CNGB1: variants seen among roughly 807,000 people sequenced by gnomAD.
The protein encoded by CNGB1 is cyclic nucleotide-gated channel beta-1.
A neutral mutation model predicts 151.7 loss-of-function variants in CNGB1; 126 were observed. The observed-to-expected ratio is 0.83, with a 90% CI of 0.72 to 0.96. The LOEUF is 0.96. Ranked by LOEUF, CNGB1 falls within the 40% of genes least tolerant of loss-of-function variation. The pLI is 0.00. For synonymous variants in CNGB1, 623 were observed against 635.1 expected (o/e 0.98, Z 0.29); for missense variants, 1,698 against 1,627.0 (o/e 1.04, Z -0.75).
In CNGB1 at chr16:57,884,380, G is replaced by GC; in HGVS notation, c.3539_3540insG (p.Thr1181HisfsTer112). The stretch of plus-strand genomic sequence containing the variant: ...GCGTCCGGGGCGCGGGTGGGTCGGT[G>GC]GCGGCCTCCTTTGGGTGCGTGTGCT... On this transcript the variant is annotated frameshift_variant, in exon 33 of 33. Transcript: ENST00000251102. LOFTEE classifies it low-confidence loss of function (END_TRUNC). 1 of 1,612,478 alleles carries GC rather than the reference G, an allele frequency of 6.2e-7. No individual in the cohort carries two copies. Among genetic ancestry groups the GC allele is most frequent in the African/African-American group, 1.3e-5 (1 of 74,972 alleles).
In CNGB1 at chr16:57,901,640, TGGCAAGGGTCAGA is replaced by T; in HGVS notation, c.2795-28_2795-16del. 1 of 1,609,982 alleles carries T rather than the reference TGGCAAGGGTCAGA, an allele frequency of 6.2e-7. No homozygotes were observed. The highest frequency in any genetic ancestry group is 8.5e-7 in the Non-Finnish European group (1 of 1,177,136). ...CTCTGACTCATCTGTGAACAAGGCC[TGGCAAGGGTCAGA>T]GGCAAGGCCGGGCCCCACCCCAGAC... On this transcript the variant is annotated splice_polypyrimidine_tract_variant and intron_variant, in intron 27 of 32. Coordinates refer to ENST00000251102, the MANE Select transcript of CNGB1 (RefSeq NM_001297.5).
At position 57,911,954 on chromosome 16, in the gene CNGB1, C is replaced by T. The variant is rs1349045927; in HGVS notation, c.2370-79G>A. On this transcript the variant is annotated intron_variant, in intron 24 of 32. Transcript: ENST00000251102. ...TAGACACCTGGACAGTGAGAGCCAA[C>T]CCATGGCTGGGCTGGCCCGACTGGA... 7 of 1,590,544 alleles carry T rather than the reference C, an allele frequency of 4.4e-6. No homozygotes were observed. In the South Asian group the frequency reaches 5.6e-5, roughly 13 times the overall value.
At chr16:57,904,698 C>T (rs771580724) in intron 26 of CNGB1, 36 bp downstream of exon 26, 2 of 1,613,514 alleles carry the variant, frequency 1.2e-6, no homozygotes, top group Non-Finnish European at 1.7e-6. Context: ...GCCCTGCAGT[C>T]AGGTGGGGTG....
At chr16:57,892,684 C>T (rs1294280312) in intron 31 of CNGB1, among the ~76,000 whole-genome samples, 1 of 152,140 alleles carries the variant, frequency 6.6e-6, no homozygotes, top group African/African-American at 2.4e-5. Context: ...TCCTCTGATC[C>T]CATACCAAGC....
chr16:57,930,891 G>A (rs1002804254), intron 17 of CNGB1, among the ~76,000 whole-genome samples: 1 of 152,118 alleles, frequency 6.6e-6, no homozygotes, highest in East Asian at 1.9e-4. Context: ...GGGAGTTGCT[G>A]TTCAATGAGT....
At chr16:57,964,604 G>T in intron 2 of CNGB1, 60 bp from the exon 3 acceptor site, 1 of 1,569,368 alleles carries the variant, frequency 6.4e-7, no homozygotes, top group Non-Finnish European at 8.8e-7. Context: ...TTTGGACAGG[G>T]GCAGCCTGAT....
chr16:57,947,583 C>A (rs1961841038), intron 14 of CNGB1, among the ~76,000 whole-genome samples: 1 of 152,130 alleles, frequency 6.6e-6, no homozygotes, highest in Non-Finnish European at 1.5e-5. Context: ...ACATGGACAG[C>A]CTTTGAGAGG....
rs369784327 is a variant in CNGB1, at chr16:57,949,447, G to A, written c.1035-8C>T. On this transcript the variant is annotated splice_region_variant and splice_polypyrimidine_tract_variant and intron_variant, in intron 13 of 32. Transcript: ENST00000251102. The stretch of plus-strand genomic sequence containing the variant: ...TCAATCCGGGACAGCTCTCTGAGTT[G>A]GGGTTAGAGGCAGGAGGTGAGCCCA... The A allele has an allele frequency of 1.9e-5, 31 of 1,613,610 alleles. No homozygotes were observed. In the African/African-American group the frequency reaches 3.2e-4, roughly 17 times the overall value.
chr16:57,922,742 T>C (rs958974849), intron 18 of CNGB1, among the ~76,000 whole-genome samples: 14 of 152,146 alleles, frequency 9.2e-5, no homozygotes, highest in African/African-American at 3.1e-4. Flanking sequence ...ATCATAGTGG[T>C]TTCTAAACAT....
At chr16:57,962,666 C>G (rs1455683605) in intron 6 of CNGB1, 56 bp from the exon 7 acceptor site, 1 of 1,590,432 alleles carries the variant, frequency 6.3e-7, no homozygotes, top group Non-Finnish European at 8.6e-7. Context: ...TGCCCCAGCC[C>G]CCTGGGCAGC....
chr16:57,965,555 G>A (rs1375760839), intron 2 of CNGB1, among the ~76,000 whole-genome samples: 1 of 151,944 alleles, frequency 6.6e-6, no homozygotes, highest in African/African-American at 2.4e-5. Flanking sequence ...ATATGGACAT[G>A]CATATACACA....
chr16:57,890,870 AC>A (rs1960070782), intron 31 of CNGB1, among the ~76,000 whole-genome samples: 1 of 152,174 alleles, frequency 6.6e-6, no homozygotes, highest in South Asian at 2.1e-4. Context: ...CCAGCAAACA[AC>A]CACTCTGATG....
At chr16:57,944,657 A>G (rs1783333168) in intron 14 of CNGB1, among the ~76,000 whole-genome samples, 1 of 152,162 alleles carries the variant, frequency 6.6e-6, no homozygotes, top group Admixed American at 6.5e-5. Context: ...ATTTATGTCA[A>G]TTGAAAAAAT....
rs535148864 is a variant in CNGB1, at chr16:57,897,378, C to T, written c.3242+19G>A. The T allele has an allele frequency of 9.9e-6, 16 of 1,612,524 alleles. No individual in the cohort carries two copies. In the East Asian group the frequency reaches 1.3e-4, roughly 13 times the overall value. On this transcript the variant is annotated intron_variant, in intron 31 of 32. Transcript: ENST00000251102. ...TTGTCCTTAGCAATTTTTTATTAAA[C>T]GAAAGAAAAGTTACATACCTGGCTT...
At chr16:57,890,547 T>C (rs1382414218) in intron 31 of CNGB1, among the ~76,000 whole-genome samples, 2 of 152,232 alleles carry the variant, frequency 1.3e-5, no homozygotes, top group African/African-American at 4.8e-5. Context: ...CATTTCCAGA[T>C]TAGGGAAATT....
At chr16:57,915,227 G>A (rs1567375279) in intron 23 of CNGB1, 22 bp downstream of exon 23, 8 of 1,597,204 alleles carry the variant, frequency 5.0e-6, no homozygotes, top group Middle Eastern at 1.7e-4. Context: ...AAGGCCTGGG[G>A]TGGTGGGCCC....
At chr16:57,933,834 T>C (rs1444961881) in intron 16 of CNGB1, among the ~76,000 whole-genome samples, 2 of 151,218 alleles carry the variant, frequency 1.3e-5, no homozygotes, top group Admixed American at 6.6e-5. Flanking sequence ...GCCATTCTCC[T>C]GCCTCAGACT....
intron 25 of CNGB1, among the ~76,000 whole-genome samples, chr16:57,905,514 G>C (rs1159689567): frequency 6.6e-6 from 1 of 152,240 alleles, no homozygotes; most frequent in Non-Finnish European, 1.5e-5. Flanking sequence ...GGGAGGTATG[G>C]GGGAGGGTGT....
intron 1 of CNGB1, among the ~76,000 whole-genome samples, chr16:57,970,802 G>A (rs1962522373): frequency 6.6e-6 from 1 of 152,160 alleles, no homozygotes; most frequent in Non-Finnish European, 1.5e-5. Context: ...TGCACCACCA[G>A]CATTTCCAGA....
Sources: gnomAD v4.1 joint callset for allele counts (sites outside exome capture counted in the v4.1 genomes callset) on GRCh38, gnomAD v4.1.1 for gene constraint, MANE v1.5 for transcripts, NCBI Gene and HGNC (gene_info 2026-07-23, HGNC 2026-07-21) for gene names.